The following SRPK2 variants were observed in gnomAD, a reference collection of about 807,000 sequenced individuals.
The protein encoded by SRPK2 is SRSF protein kinase 2.
Under a neutral mutation model 90.8 loss-of-function variants are expected in SRPK2, and 21 were observed. That is an observed-to-expected ratio of 0.23 (90% CI 0.16 to 0.33). The LOEUF is 0.33. Ranked by LOEUF, SRPK2 falls within the 10% of genes least tolerant of loss-of-function variation. The pLI, the probability that SRPK2 is intolerant of heterozygous loss-of-function variation, is 1.00. For synonymous variants in SRPK2, 288 were observed against 311.1 expected (o/e 0.93, Z 0.78); for missense variants, 620 against 869.0 (o/e 0.71, Z 3.60).
chr7:105,307,083 G>C (rs1017680393), intron 2 of SRPK2, among the ~76,000 whole-genome samples: 1 of 152,138 alleles, frequency 6.6e-6, no homozygotes, highest in Non-Finnish European at 1.5e-5. Context: ...TAATTTAAGG[G>C]TCAGATTTTT....
chr7:105,302,165 G>A, intron 2 of SRPK2: 1 of 964,204 alleles, frequency 1.0e-6, no homozygotes. Flanking sequence ...CCATTTTCTG[G>A]TATTGAGGTG....
intron 2 of SRPK2, among the ~76,000 whole-genome samples, chr7:105,382,552 C>CAAAAA (rs71152969): frequency 2.6e-5 from 2 of 75,906 alleles, no homozygotes; most frequent in Admixed American, 1.7e-4. Context: ...AACTCCATCT[C>CAAAAA]AAAAAAAAAA....
intron 13 of SRPK2, among the ~76,000 whole-genome samples, chr7:105,130,378 C>T (rs1294354542): frequency 2.6e-5 from 4 of 152,098 alleles, no homozygotes; most frequent in Non-Finnish European, 5.9e-5. Context: ...TGACAAACTC[C>T]ATCTCTACAA....
intron 2 of SRPK2, among the ~76,000 whole-genome samples, chr7:105,307,274 T>C (rs1005668002): frequency 6.6e-6 from 1 of 152,198 alleles, no homozygotes; most frequent in Non-Finnish European, 1.5e-5. Flanking sequence ...CAAAGAGGCT[T>C]TTCTTCAAGC....
At chr7:105,258,811 A>G (rs527763760) in intron 2 of SRPK2, among the ~76,000 whole-genome samples, 1 of 152,362 alleles carries the variant, frequency 6.6e-6, no homozygotes, top group South Asian at 2.1e-4. Flanking sequence ...ATAGATGCAG[A>G]AAAGGCCTTC....
intron 2 of SRPK2, among the ~76,000 whole-genome samples, chr7:105,282,494 T>C (rs1807474857): frequency 6.6e-6 from 1 of 152,182 alleles, no homozygotes; most frequent in African/African-American, 2.4e-5. Flanking sequence ...ATTAAAAACA[T>C]TTGTGCATTA....
chr7:105,137,870 C>T (rs1377344789), intron 11 of SRPK2, among the ~76,000 whole-genome samples: 1 of 152,150 alleles, frequency 6.6e-6, no homozygotes, highest in Admixed American at 6.5e-5. Context: ...CACGAAGTAC[C>T]GTGTGGTCAA....
Position 105,175,110 on chromosome 7 carries a change from A to C in SRPK2, c.230-5845T>G, listed in dbSNP as rs148926589. Reference sequence around the variant, plus strand: ...AGTCGAGATCACACCACTGCACTGCAGCCTGGGCCACAGAGTTAAACTCCG... The same window carrying C: ...AGTCGAGATCACACCACTGCACTGCCGCCTGGGCCACAGAGTTAAACTCCG... On this transcript the variant is annotated intron_variant, in intron 3 of 15. Transcript: ENST00000393651. 5.3e-5 allele frequency among the ~76,000 whole-genome samples: 8 copies of C among 152,084 alleles called. No individual in the cohort carries two copies. In the East Asian group the frequency reaches 1.5e-3, roughly 29 times the overall value.
chr7:105,306,938 C>T (rs1274570656), intron 2 of SRPK2, among the ~76,000 whole-genome samples: 1 of 152,182 alleles, frequency 6.6e-6, no homozygotes, highest in Non-Finnish European at 1.5e-5. Flanking sequence ...AAGTTATCCA[C>T]AGAACTCTAG....
intron 3 of SRPK2, among the ~76,000 whole-genome samples, chr7:105,188,983 G>A (rs943733833): frequency 6.6e-6 from 1 of 152,138 alleles, no homozygotes; most frequent in African/African-American, 2.4e-5. Context: ...AGGGGGTGGA[G>A]GGAGGAAGGG....
At chr7:105,309,975 A>G (rs927871525) in intron 2 of SRPK2, among the ~76,000 whole-genome samples, 1 of 152,226 alleles carries the variant, frequency 6.6e-6, no homozygotes, top group African/African-American at 2.4e-5. Context: ...CTGCACAATG[A>G]CAGAGGTAGG....
At chr7:105,141,194 C>T (rs1050067742) in intron 11 of SRPK2, among the ~76,000 whole-genome samples, 1 of 152,198 alleles carries the variant, frequency 6.6e-6, no homozygotes, top group Non-Finnish European at 1.5e-5. Flanking sequence ...AGCCAGCTTA[C>T]TCGGCGTGCA....
intron 2 of SRPK2, among the ~76,000 whole-genome samples, chr7:105,279,327 CTGTT>C (rs916727602): frequency 1.3e-5 from 2 of 152,088 alleles, no homozygotes; most frequent in African/African-American, 4.8e-5. Context: ...ATGAGAAACT[CTGTT>C]TGAGAGAAAA....
At chr7:105,141,563 T>C (rs1562975887) in intron 11 of SRPK2, among the ~76,000 whole-genome samples, 3 of 152,192 alleles carry the variant, frequency 2.0e-5, no homozygotes, top group Non-Finnish European at 4.4e-5. Flanking sequence ...CAGGAACAAC[T>C]ATCAAAAGAC....
intron 2 of SRPK2, among the ~76,000 whole-genome samples, chr7:105,358,703 GA>G (rs1818081567): frequency 6.6e-6 from 1 of 151,836 alleles, no homozygotes; most frequent in Admixed American, 6.6e-5. Context: ...AGAAAAGAAA[GA>G]AAAAATCATA....
chr7:105,226,994 C>G (rs559674132), intron 2 of SRPK2, among the ~76,000 whole-genome samples: 1 of 152,268 alleles, frequency 6.6e-6, no homozygotes, highest in South Asian at 2.1e-4. Flanking sequence ...ATCTGCTCAG[C>G]AGCAAATCGT....
intron 11 of SRPK2, among the ~76,000 whole-genome samples, chr7:105,139,078 C>G (rs1803309393): frequency 6.6e-6 from 1 of 152,160 alleles, no homozygotes; most frequent in Non-Finnish European, 1.5e-5. Flanking sequence ...CCTTCCTGCA[C>G]CTTCCTGGAT....
chr7:105,331,338 CAAAT>C (rs1371562420), intron 2 of SRPK2, among the ~76,000 whole-genome samples: 2 of 62,924 alleles, frequency 3.2e-5, no homozygotes, highest in African/African-American at 6.0e-5. Flanking sequence ...AAAAAAAAAA[CAAAT>C]AGTTATTACA....
chr7:105,336,234 C>A (rs1228846112), intron 2 of SRPK2, among the ~76,000 whole-genome samples: 1 of 152,044 alleles, frequency 6.6e-6, no homozygotes, highest in Non-Finnish European at 1.5e-5. Context: ...AAGTAATGTT[C>A]TTTTCTTTAC....
Sources: gnomAD v4.1 joint callset for allele counts (sites outside exome capture counted in the v4.1 genomes callset) on GRCh38, gnomAD v4.1.1 for gene constraint, MANE v1.5 for transcripts, NCBI Gene and HGNC (gene_info 2026-07-23, HGNC 2026-07-21) for gene names.